SYNPR: variants seen among roughly 807,000 people sequenced by gnomAD.
The protein encoded by SYNPR is synaptoporin.
Under a neutral mutation model 32.9 loss-of-function variants are expected in SYNPR, and 23 were observed. The observed-to-expected ratio is 0.70, with a 90% CI of 0.50 to 0.99. The LOEUF (loss-of-function observed/expected upper bound fraction) is 0.99, where lower values mean the gene tolerates loss of function less well. SYNPR is among the 50% of genes least tolerant of loss of function. The pLI is 0.00. For synonymous variants in SYNPR, 146 were observed against 135.9 expected (o/e 1.07, Z -0.52); for missense variants, 318 against 349.3 (o/e 0.91, Z 0.71).
chr3:63,521,611 G>T (rs943804300), intron 3 of SYNPR, among the ~76,000 whole-genome samples: 1 of 152,304 alleles, frequency 6.6e-6, no homozygotes, highest in African/African-American at 2.4e-5. Flanking sequence ...CTACGTTGGA[G>T]TATTTTCTTG....
At chr3:63,567,619 G>T (rs374991976) in intron 4 of SYNPR, among the ~76,000 whole-genome samples, 51 of 152,312 alleles carry the variant, frequency 3.3e-4, no homozygotes, top group African/African-American at 1.2e-3. Flanking sequence ...TTGGCACAAA[G>T]TTAGCCCTTT....
chr3:63,530,496 T>C (rs139078113), intron 3 of SYNPR, among the ~76,000 whole-genome samples: 1 of 152,332 alleles, frequency 6.6e-6, no homozygotes, highest in Admixed American at 6.5e-5. Context: ...TTAACAGAAT[T>C]GCTGTGATGA....
At position 63,536,422 on chromosome 3, in the gene SYNPR, C is replaced by T. The variant is rs191762871; in HGVS notation, c.210-20121C>T. ...AATCAAAACTACACTATTTCAGCCT[C>T]CGTGAGATGGTTAAAATAAAAAACA... On this transcript the variant is annotated intron_variant, in intron 3 of 5. Transcript: ENST00000478300. Among the ~76,000 whole-genome samples the T allele has an allele frequency of 4.8e-3, 738 of 152,194 alleles. 6 individuals are homozygous for T. Among genetic ancestry groups the T allele is most frequent in the African/African-American group, 0.017 (710 of 41,552 alleles).
At chr3:63,439,422 T>C (rs907246699) in intron 2 of SYNPR, among the ~76,000 whole-genome samples, 2 of 152,204 alleles carry the variant, frequency 1.3e-5, no homozygotes, top group Admixed American at 6.5e-5. Context: ...TTTATTTTTG[T>C]CAGTTCCAAT....
intron 2 of SYNPR, among the ~76,000 whole-genome samples, chr3:63,446,739 A>AAAAC (rs1386494947): frequency 2.0e-5 from 3 of 152,158 alleles, no homozygotes; most frequent in African/African-American, 4.8e-5. Context: ...AGGGATCTTA[A>AAAAC]AAACAAACAA....
chr3:63,270,229 C>T (rs1266546454), intron 3 of SYNPR, among the ~76,000 whole-genome samples: 1 of 152,136 alleles, frequency 6.6e-6, no homozygotes, highest in Non-Finnish European at 1.5e-5. Flanking sequence ...AATACAGTGT[C>T]AGATAAACCT....
chr3:63,405,194 C>T (rs1575627379), intron 2 of SYNPR, among the ~76,000 whole-genome samples: 2 of 152,158 alleles, frequency 1.3e-5, no homozygotes, highest in Non-Finnish European at 2.9e-5. Context: ...ACAAGGTAGA[C>T]TCAATTTCTC....
At chr3:63,454,876 A>G (rs986426867) in intron 2 of SYNPR, among the ~76,000 whole-genome samples, 2 of 152,128 alleles carry the variant, frequency 1.3e-5, no homozygotes, top group Non-Finnish European at 2.9e-5. Context: ...AAACAAAATA[A>G]ATGATATAAA....
intron 3 of SYNPR, among the ~76,000 whole-genome samples, chr3:63,524,870 TGAGAGAGAGAGAGAGA>T (rs59919433): frequency 7.1e-6 from 1 of 140,602 alleles, no homozygotes; most frequent in East Asian, 2.0e-4. Flanking sequence ...TGTGTGTGTG[TGAGAGAGAGAGAGAGA>T]GAGAGAGAGA....
intron 2 of SYNPR, among the ~76,000 whole-genome samples, chr3:63,429,450 C>G (rs547163489): frequency 6.6e-6 from 1 of 152,308 alleles, no homozygotes; most frequent in Non-Finnish European, 1.5e-5. Flanking sequence ...CCAGGACTGG[C>G]ACCATCTTAG....
chr3:63,496,954 G>C lies in SYNPR; in HGVS notation c.209+15998G>C, dbSNP rs73831862. On this transcript the variant is annotated intron_variant, in intron 3 of 5. Coordinates refer to ENST00000478300, the MANE Select transcript of SYNPR (RefSeq NM_001130003.2). The stretch of plus-strand genomic sequence containing the variant: ...AGGGAATGGGCTCTTTTTTTATGGA[G>C]CTTCATCCTTTTTAAGAATAGCTTG... Among the ~76,000 whole-genome samples, 1,016 of 152,118 alleles carry C rather than the reference G, an allele frequency of 6.7e-3. 8 individuals are homozygous for C. Among genetic ancestry groups the C allele is most frequent in the Non-Finnish European group, 0.01 (691 of 67,954 alleles).
At chr3:63,580,820 T>C (rs576141318) in intron 4 of SYNPR, among the ~76,000 whole-genome samples, 50 of 152,310 alleles carry the variant, frequency 3.3e-4, no homozygotes, top group African/African-American at 1.1e-3. Flanking sequence ...GGTAACTACA[T>C]CTGGAAATAA....
In SYNPR at chr3:63,307,009, G is replaced by A. The variant is rs149847305; in HGVS notation, c.84+28267G>A. Among the ~76,000 whole-genome samples the A allele has an allele frequency of 6.9e-3, 1,050 of 152,166 alleles. 5 individuals are homozygous for A. Among genetic ancestry groups the A allele is most frequent in the Non-Finnish European group, 0.011 (762 of 67,960 alleles). ...GTCATATACTGAATACTTGGTCTGT[G>A]CTAGGCACTGTGCTGAGTGAAACAT... is the stretch of plus-strand genomic sequence containing the variant. On this transcript the variant is annotated intron_variant, in intron 2 of 5. Transcript: ENST00000478300.
intron 2 of SYNPR, among the ~76,000 whole-genome samples, chr3:63,352,462 AT>A (rs2087523124): frequency 6.6e-6 from 1 of 152,176 alleles, no homozygotes; most frequent in Non-Finnish European, 1.5e-5. Flanking sequence ...GAAAACACTT[AT>A]TTATCTGTTA....
the SYNPR span, among the ~76,000 whole-genome samples, chr3:63,217,611 C>T: frequency 1.3e-5 from 2 of 148,338 alleles, no homozygotes; most frequent in Non-Finnish European, 3.0e-5. Context: ...CACTGTCTGG[C>T]ACTCCCTAGT....
intron 1 of SYNPR, among the ~76,000 whole-genome samples, chr3:63,236,932 T>C (rs940395209): frequency 1.4e-4 from 21 of 152,176 alleles, no homozygotes; most frequent in Non-Finnish European, 2.8e-4. Flanking sequence ...CATTCTTACT[T>C]TACTTCTGAT....
chr3:63,357,263 C>A (rs1015928342), intron 2 of SYNPR, among the ~76,000 whole-genome samples: 2 of 152,066 alleles, frequency 1.3e-5, no homozygotes, highest in African/African-American at 4.8e-5. Flanking sequence ...GAGACCCCTC[C>A]CACCCCAGAC....
chr3:63,355,014 C>T (rs920628547), intron 2 of SYNPR, among the ~76,000 whole-genome samples: 6 of 152,202 alleles, frequency 3.9e-5, no homozygotes, highest in African/African-American at 1.4e-4. Flanking sequence ...AATGGTGGCT[C>T]ATGCCTATAA....
At position 63,378,301 on chromosome 3, in the gene SYNPR, C is replaced by A. The variant is rs146815920; in HGVS notation, c.84+99559C>A. Reference sequence around the variant, plus strand: ...TTGTAAATACACAGAAAAATAGAGACAGTAGAATTATAAACCAACCTATAT... The same window carrying A: ...TTGTAAATACACAGAAAAATAGAGAAAGTAGAATTATAAACCAACCTATAT... On this transcript the variant is annotated intron_variant, in intron 2 of 5. Transcript: ENST00000478300. Among the ~76,000 whole-genome samples, 320 of 151,940 alleles carry A rather than the reference C, an allele frequency of 2.1e-3. 1 individual carries two copies. Among genetic ancestry groups the A allele is most frequent in the African/African-American group, 7.4e-3 (307 of 41,496 alleles).
Sources: allele counts gnomAD v4.1 joint callset (sites outside exome capture counted in the v4.1 genomes callset), GRCh38; gene constraint gnomAD v4.1.1; transcripts MANE v1.5; gene names NCBI Gene and HGNC (gene_info 2026-07-23, HGNC 2026-07-21).